Variants in AHCTF1 observed in about 807,000 individuals in gnomAD.
The protein encoded by AHCTF1 is AT-hook containing transcription factor 1, also known as protein ELYS.
A neutral mutation model predicts 248.4 loss-of-function variants in AHCTF1; 24 were observed. The observed-to-expected ratio is 0.10, with a 90% CI of 0.07 to 0.14. The LOEUF is 0.14. Ranked by LOEUF, AHCTF1 falls within the 10% of genes least tolerant of loss-of-function variation. The pLI is 1.00. For missense variants in AHCTF1, 2,206 were observed against 2,636.2 expected (o/e 0.84, Z 3.57); for synonymous variants, 786 against 929.8 (o/e 0.85, Z 2.81).
intron 1 of AHCTF1, among the ~76,000 whole-genome samples, chr1:246,922,887 G>A (rs1666657369): frequency 6.7e-6 from 1 of 150,000 alleles, no homozygotes; most frequent in Admixed American, 6.7e-5. Flanking sequence ...GGAGGCTGAG[G>A]CAGGAGAATG....
intron 1 of AHCTF1, among the ~76,000 whole-genome samples, chr1:246,921,584 C>G (rs935697036): frequency 1.3e-5 from 2 of 152,056 alleles, no homozygotes; most frequent in Non-Finnish European, 2.9e-5. Context: ...AAATATAGTA[C>G]TAATAGGAAG....
chr1:246,885,931 A>C (rs561774175), intron 20 of AHCTF1, among the ~76,000 whole-genome samples: 1 of 152,196 alleles, frequency 6.6e-6, no homozygotes, highest in Non-Finnish European at 1.5e-5. Context: ...TCACGCCTGT[A>C]ATCTCCGCAC....
chr1:246,860,819 T>G, intron 29 of AHCTF1, 80 bp downstream of exon 29: 1 of 1,530,088 alleles, frequency 6.5e-7, no homozygotes, highest in Non-Finnish European at 8.8e-7. Flanking sequence ...GATGCTTTTC[T>G]TATGGTGGAA....
At chr1:246,913,685 T>C (rs1348127503) in intron 3 of AHCTF1, among the ~76,000 whole-genome samples, 1 of 152,228 alleles carries the variant, frequency 6.6e-6, no homozygotes. Context: ...ACCTGGCTCA[T>C]TCAATGTTCA....
intron 29 of AHCTF1, among the ~76,000 whole-genome samples, chr1:246,859,730 C>T (rs1661387241): frequency 6.6e-6 from 1 of 152,012 alleles, no homozygotes; most frequent in Non-Finnish European, 1.5e-5. Flanking sequence ...TGCATGCTAT[C>T]GTGCCCAGCT....
At chr1:246,913,547 G>A in intron 3 of AHCTF1, 135 bp from the exon 4 acceptor site, 1 of 760,982 alleles carries the variant, frequency 1.3e-6, no homozygotes. Context: ...TTTGATACTT[G>A]TGATCTGAAT....
chr1:246,843,218 A>G (rs1249983151), intron 34 of AHCTF1, among the ~76,000 whole-genome samples: 1 of 152,172 alleles, frequency 6.6e-6, no homozygotes, highest in Non-Finnish European at 1.5e-5. Flanking sequence ...TGCGTCTGCC[A>G]TTTACTCTGT....
intron 1 of AHCTF1, among the ~76,000 whole-genome samples, chr1:246,922,169 A>G (rs1490712721): frequency 6.6e-6 from 1 of 152,156 alleles, no homozygotes; most frequent in East Asian, 1.9e-4. Context: ...AGATCAGCCC[A>G]ACCAGTATGG....
chr1:246,880,679 G>T (rs1399629044), intron 21 of AHCTF1, among the ~76,000 whole-genome samples: 1 of 151,856 alleles, frequency 6.6e-6, no homozygotes, highest in African/African-American at 2.4e-5. Flanking sequence ...GTATTAATTT[G>T]ATAATAATAT....
intron 1 of AHCTF1, among the ~76,000 whole-genome samples, chr1:246,930,839 G>A (rs908444962): frequency 1.3e-5 from 2 of 152,126 alleles, no homozygotes; most frequent in African/African-American, 4.8e-5. Flanking sequence ...TTCTACAACT[G>A]ACGATTTGGA....
rs77485059 is a variant in AHCTF1 at position 246,904,050 on chromosome 1, C to A, written c.882-17G>T. 3 of 1,597,790 alleles carry A rather than the reference C, an allele frequency of 1.9e-6. 1 individual carries two copies. In the South Asian group the frequency reaches 3.3e-5, roughly 18 times the overall value. On this transcript the variant is annotated splice_polypyrimidine_tract_variant and intron_variant, in intron 6 of 35. Transcript: ENST00000648844. Reference sequence around the variant, plus strand: ...TCCCCTTCACTGAAACAGAAATTAACGAAGACACGCTAAATATATTAATAC... The same window carrying A: ...TCCCCTTCACTGAAACAGAAATTAAAGAAGACACGCTAAATATATTAATAC...
intron 4 of AHCTF1, among the ~76,000 whole-genome samples, chr1:246,911,873 G>T (rs779139911): frequency 2.0e-5 from 3 of 152,026 alleles, no homozygotes; most frequent in Non-Finnish European, 4.4e-5. Context: ...TTTAAGTTTT[G>T]TTCAGATGAT....
chr1:246,866,905 C>T (rs1180763718), intron 26 of AHCTF1, among the ~76,000 whole-genome samples: 1 of 152,086 alleles, frequency 6.6e-6, no homozygotes, highest in Non-Finnish European at 1.5e-5. Context: ...CTTCAATGAG[C>T]TACCCAAGAT....
chr1:246,901,913 C>G (rs1665029298), intron 8 of AHCTF1, among the ~76,000 whole-genome samples: 1 of 152,148 alleles, frequency 6.6e-6, no homozygotes, highest in Non-Finnish European at 1.5e-5. Context: ...GATCTGAAAC[C>G]TGGATCAGAA....
chr1:246,931,398 C>T (rs1204142202), intron 1 of AHCTF1, 180 bp downstream of exon 1: 49 of 1,499,512 alleles, frequency 3.3e-5, no homozygotes, highest in Admixed American at 1.7e-4. Context: ...TACCCGCCAC[C>T]GCCACCGCTC....
intron 1 of AHCTF1, among the ~76,000 whole-genome samples, chr1:246,923,137 G>C (rs1215386108): frequency 1.3e-5 from 2 of 150,274 alleles, no homozygotes; most frequent in African/African-American, 4.9e-5. Context: ...AAGATAGGCT[G>C]GGCACGGTGG....
At chr1:246,854,924 A>C (rs926406486) in intron 31 of AHCTF1, among the ~76,000 whole-genome samples, 4 of 151,186 alleles carry the variant, frequency 2.6e-5, no homozygotes, top group African/African-American at 9.8e-5. Context: ...AGACACTTTA[A>C]ATGGTTAATT....
intron 21 of AHCTF1, 71 bp from the exon 22 acceptor site, chr1:246,877,373 T>G: frequency 6.9e-7 from 1 of 1,443,136 alleles, no homozygotes; most frequent in Non-Finnish European, 9.2e-7. Flanking sequence ...GAAATCTACA[T>G]GTAGAATTTC....
chr1:246,861,366 TC>T, intron 28 of AHCTF1, 71 bp from the exon 29 acceptor site: 3 of 1,308,544 alleles, frequency 2.3e-6, no homozygotes, highest in Non-Finnish European at 3.1e-6. Context: ...AAGCTACCCA[TC>T]CCAATCATAC....
Sources: gnomAD v4.1 joint callset for allele counts (sites outside exome capture counted in the v4.1 genomes callset) on GRCh38, gnomAD v4.1.1 for gene constraint, MANE v1.5 for transcripts, NCBI Gene and HGNC (gene_info 2026-07-23, HGNC 2026-07-21) for gene names.